PDZRN4: variants seen among roughly 807,000 people sequenced by gnomAD.
PDZRN4 encodes PDZ domain containing ring finger 4.
A neutral mutation model predicts 99.0 loss-of-function variants in PDZRN4; 70 were observed. The observed-to-expected ratio is 0.71, with a 90% CI of 0.58 to 0.86. The LOEUF (loss-of-function observed/expected upper bound fraction) is 0.86. PDZRN4 is among the 40% of genes least tolerant of loss of function. The pLI is 0.00. For missense variants in PDZRN4, 1,474 were observed against 1,331.2 expected, an observed-to-expected ratio of 1.11 and a Z score of -1.67; for synonymous variants, 551 against 501.6, an observed-to-expected ratio of 1.10 and a Z score of -1.32.
chr12:41,550,089 C>A (rs1393120284), intron 5 of PDZRN4, among the ~76,000 whole-genome samples: 1 of 152,138 alleles, frequency 6.6e-6, no homozygotes. Context: ...GCAGATTGTG[C>A]CCTTTTTGTT....
chr12:41,425,968 G>A lies in PDZRN4; in HGVS notation c.844-80488G>A, dbSNP rs114717830. 3.7e-3 allele frequency among the ~76,000 whole-genome samples: 567 copies of A among 152,200 alleles called. 2 individuals carry two copies. The highest frequency in any genetic ancestry group is 0.013 in the African/African-American group (523 of 41,532). On this transcript the variant is annotated intron_variant, in intron 3 of 9. Coordinates refer to ENST00000402685, the MANE Select transcript of PDZRN4 (RefSeq NM_001164595.2). ...ACCTGTCTGGAGCTTAGTTGCTTAC[G>A]GTTGAAATCTGTTTCATGAGGAGCA...
intron 3 of PDZRN4, among the ~76,000 whole-genome samples, chr12:41,373,160 T>C (rs1035543933): frequency 2.0e-5 from 3 of 151,978 alleles, no homozygotes; most frequent in African/African-American, 4.8e-5. Context: ...TAATAGAATA[T>C]CACAAGGCAA....
chr12:41,394,181 C>T (rs1403562490), intron 3 of PDZRN4, among the ~76,000 whole-genome samples: 3 of 152,028 alleles, frequency 2.0e-5, no homozygotes, highest in Non-Finnish European at 4.4e-5. Flanking sequence ...TCTGGGGTTC[C>T]TATTATAAGG....
intron 3 of PDZRN4, among the ~76,000 whole-genome samples, chr12:41,299,486 T>A (rs1392395835): frequency 6.6e-6 from 1 of 152,090 alleles, no homozygotes; most frequent in Non-Finnish European, 1.5e-5. Flanking sequence ...TGCTAGCTAT[T>A]TTCTTGCCCA....
intron 3 of PDZRN4, among the ~76,000 whole-genome samples, chr12:41,282,442 T>C (rs1951393531): frequency 6.6e-6 from 1 of 152,182 alleles, no homozygotes; most frequent in African/African-American, 2.4e-5. Context: ...AACACCCCAC[T>C]GTCAATATTA....
chr12:41,188,892 G>A lies in PDZRN4; in HGVS notation c.437G>A (p.Arg146His). Residue 146 changes from arginine to histidine, a missense_variant, in exon 1 of 10, where the codon CGC becomes CAC. Transcript: ENST00000402685. ...AGGGCTGGCCGGGGCGGGGGCGCGC[G>A]CGGGGGGCCGCCGGGCGGCCGCTGG... ...TPRAGRGGGA[R>H]GGPPGGRWGR... is the part of the protein sequence containing the mutation. 9.2e-7 allele frequency: 1 copy of A among 1,089,746 alleles called. No homozygotes were observed. Among genetic ancestry groups the A allele is most frequent in the Non-Finnish European group, 1.1e-6 (1 of 899,030 alleles). 67.5% of individuals were successfully genotyped at this position (1,089,746 alleles called of 1,614,324 possible). A position where few individuals can be genotyped will look rare whatever the true frequency, so the allele number is the denominator to read the frequency against.
At chr12:41,456,884 G>T (rs1275652585) in intron 3 of PDZRN4, among the ~76,000 whole-genome samples, 1 of 152,194 alleles carries the variant, frequency 6.6e-6, no homozygotes, top group Admixed American at 6.5e-5. Context: ...AGGGCTTAGA[G>T]TTATTACTTC....
At chr12:41,521,155 T>C (rs1054961495) in intron 5 of PDZRN4, among the ~76,000 whole-genome samples, 13 of 152,156 alleles carry the variant, frequency 8.5e-5, no homozygotes, top group African/African-American at 3.1e-4. Context: ...CATTTCATTG[T>C]TCTTGCCCTC....
At chr12:41,437,777 AC>A in intron 3 of PDZRN4, 1 of 1,533,588 alleles carries the variant, frequency 6.5e-7, no homozygotes. Context: ...ATGCTGCTAC[AC>A]ACCACTCTGG....
intron 5 of PDZRN4, among the ~76,000 whole-genome samples, chr12:41,538,150 A>G (rs1424839322): frequency 1.3e-5 from 2 of 152,144 alleles, no homozygotes; most frequent in African/African-American, 4.8e-5. Context: ...TTCTAATCTT[A>G]AGTAACTATA....
chr12:41,487,623 T>C (rs908324004), intron 3 of PDZRN4, among the ~76,000 whole-genome samples: 2 of 152,234 alleles, frequency 1.3e-5, no homozygotes, highest in Non-Finnish European at 2.9e-5. Context: ...ATTTACATGT[T>C]TGGTTATATA....
At chr12:41,332,140 G>T (rs1951744619) in intron 3 of PDZRN4, among the ~76,000 whole-genome samples, 1 of 152,084 alleles carries the variant, frequency 6.6e-6, no homozygotes, top group Non-Finnish European at 1.5e-5. Context: ...CAGTATGCCA[G>T]GTTGTACAAT....
chr12:41,328,172 T>A (rs1951721812), intron 3 of PDZRN4, among the ~76,000 whole-genome samples: 1 of 152,166 alleles, frequency 6.6e-6, no homozygotes, highest in Non-Finnish European at 1.5e-5. Flanking sequence ...TTGTAAATAT[T>A]CTTGTTTTTA....
rs139931977 is a variant in PDZRN4 at position 41,539,030 on chromosome 12, C to A, written c.1204-13626C>A. On this transcript the variant is annotated intron_variant, in intron 5 of 9. Coordinates refer to ENST00000402685, the MANE Select transcript of PDZRN4 (RefSeq NM_001164595.2). ...TAGCTATAAATCCAGGAGGTACAGG[C>A]AACTAGTTATAATCAAACTTAGAAG... is the stretch of plus-strand genomic sequence containing the variant. 2.5e-3 allele frequency among the ~76,000 whole-genome samples: 386 copies of A among 151,978 alleles called. 3 individuals are homozygous for A. The highest frequency in any genetic ancestry group is 7.9e-3 in the African/African-American group (328 of 41,508).
chr12:41,465,289 C>G (rs1045580395), intron 3 of PDZRN4, among the ~76,000 whole-genome samples: 2 of 152,016 alleles, frequency 1.3e-5, no homozygotes, highest in Non-Finnish European at 2.9e-5. Context: ...TTATATTGGA[C>G]AAATATGGAA....
chr12:41,412,670 C>CAT (rs1952409073), intron 3 of PDZRN4: 1 of 152,068 alleles, frequency 6.6e-6, no homozygotes, highest in South Asian at 2.1e-4. Flanking sequence ...GGCTATGAAT[C>CAT]ATATATACAT....
At chr12:41,500,597 GAAGTT>G (rs1248563452) in intron 3 of PDZRN4, among the ~76,000 whole-genome samples, 2 of 151,800 alleles carry the variant, frequency 1.3e-5, no homozygotes, top group African/African-American at 4.8e-5. Context: ...TTTAAAGGTC[GAAGTT>G]AATTTTAGTC....
intron 5 of PDZRN4, among the ~76,000 whole-genome samples, chr12:41,541,878 T>A (rs943090159): frequency 6.6e-6 from 1 of 152,238 alleles, no homozygotes; most frequent in Non-Finnish European, 1.5e-5. Flanking sequence ...CTATTATCTG[T>A]ATCTGCTCTT....
intron 3 of PDZRN4, among the ~76,000 whole-genome samples, chr12:41,458,456 C>T (rs776740107): frequency 2.0e-5 from 3 of 152,024 alleles, no homozygotes; most frequent in African/African-American, 4.8e-5. Context: ...CACACCCAGC[C>T]GAGAGTGACT....
Sources: gnomAD v4.1 joint callset for allele counts (sites outside exome capture counted in the v4.1 genomes callset) on GRCh38, gnomAD v4.1.1 for gene constraint, MANE v1.5 for transcripts, NCBI Gene and HGNC (gene_info 2026-07-23, HGNC 2026-07-21) for gene names.